The following MCEE variants were observed in gnomAD, a reference collection of about 807,000 sequenced individuals.
MCEE encodes the protein methylmalonyl-CoA epimerase, also known as methylmalonyl-CoA epimerase, mitochondrial.
Under a neutral mutation model 12.9 loss-of-function variants are expected in MCEE, and 6 were observed. That is an observed-to-expected ratio of 0.47 (90% CI 0.26 to 0.92). MCEE has a LOEUF of 0.92. Ranked by LOEUF, MCEE falls within the 40% of genes least tolerant of loss-of-function variation. The probability of loss-of-function intolerance (pLI) is 0.16; values close to 1 mark genes in which losing one functional copy is unlikely to be tolerated. For synonymous variants in MCEE, 78 were observed against 77.9 expected, an observed-to-expected ratio of 1.00 and a Z score of -0.01; for missense variants, 214 against 212.1, an observed-to-expected ratio of 1.01 and a Z score of -0.05.
chr2:71,110,050 T>C lies in MCEE; in HGVS notation c.451A>G (p.Ile151Val). The C allele has an allele frequency of 6.2e-7, 1 of 1,613,688 alleles. No homozygotes were observed. The highest frequency in any genetic ancestry group is 8.5e-7 in the Non-Finnish European group (1 of 1,179,668). Residue 151 changes from isoleucine to valine, a missense_variant, in exon 3 of 3, where the codon ATA (isoleucine) becomes GTA (valine). Coordinates refer to ENST00000244217, the MANE Select transcript of MCEE (RefSeq NM_032601.4). ...KIRSLSEEVKIGAHGKPVIFL... is the reference protein window; with the variant it reads ...KIRSLSEEVKVGAHGKPVIFL... ...ATCACTGGTTTTCCATGTGCTCCTA[T>C]TTTGACCTCTTCACTTAGACTGCGG...
chr2:71,121,130 C>A (rs1232316514), intron 2 of MCEE, among the ~76,000 whole-genome samples: 1 of 152,202 alleles, frequency 6.6e-6, no homozygotes, highest in African/African-American at 2.4e-5. Context: ...AACCCCCAAG[C>A]TTCAGCAGGG....
At chr2:71,117,013 T>C (rs1324799992) in intron 2 of MCEE, 1 of 150,744 alleles carries the variant, frequency 6.6e-6, no homozygotes, top group African/African-American at 2.5e-5. Context: ...AATGTACCCC[T>C]CTTAACTATA....
chr2:71,126,750 C>G (rs547191209), intron 1 of MCEE, among the ~76,000 whole-genome samples: 9 of 152,068 alleles, frequency 5.9e-5, no homozygotes, highest in Non-Finnish European at 1.0e-4. Context: ...TATTATATTT[C>G]TCCTTTGACT....
chr2:71,129,464 G>T (rs1295172894), intron 1 of MCEE, among the ~76,000 whole-genome samples: 1 of 147,140 alleles, frequency 6.8e-6, no homozygotes, highest in Non-Finnish European at 1.5e-5. Context: ...CAGATTAAGG[G>T]AAATACTTGC....
At chr2:71,124,703 T>TG (rs1553440324) in intron 1 of MCEE, among the ~76,000 whole-genome samples, 160 bp from the exon 2 acceptor site, 2 of 151,926 alleles carry the variant, frequency 1.3e-5, no homozygotes, top group Non-Finnish European at 2.9e-5. Context: ...TGGAAAAACT[T>TG]ACATCAGAAT....
chr2:71,127,638 G>GT (rs1190297950), intron 1 of MCEE, among the ~76,000 whole-genome samples: 3 of 146,876 alleles, frequency 2.0e-5, no homozygotes, highest in Non-Finnish European at 4.6e-5. Context: ...AAGTTTGTTT[G>GT]TTTTTTTGAA....
intron 1 of MCEE, among the ~76,000 whole-genome samples, chr2:71,125,211 A>ATATATATATATATTT: frequency 2.1e-5 from 1 of 48,594 alleles, no homozygotes; most frequent in Non-Finnish European, 4.4e-5. Context: ...ATATATATAT[A>ATATATATATATATTT]TTTTTTTTTT....
intron 2 of MCEE, among the ~76,000 whole-genome samples, chr2:71,111,110 A>C (rs1372925034): frequency 6.6e-6 from 1 of 152,232 alleles, no homozygotes; most frequent in Non-Finnish European, 1.5e-5. Flanking sequence ...TAAATGTTAC[A>C]TAAATAAGCT....
intron 2 of MCEE, among the ~76,000 whole-genome samples, chr2:71,112,589 C>T (rs1234923437): frequency 6.6e-6 from 1 of 151,910 alleles, no homozygotes; most frequent in South Asian, 2.1e-4. Context: ...GCATGTGCCA[C>T]CATGCCTGGC....
intron 2 of MCEE, among the ~76,000 whole-genome samples, chr2:71,119,531 T>C (rs772585522): frequency 6.8e-6 from 1 of 147,010 alleles, no homozygotes; most frequent in African/African-American, 2.7e-5. Flanking sequence ...ACTAGCACTA[T>C]TACTTCTGTT....
At chr2:71,119,509 C>T (rs1673059015) in intron 2 of MCEE, among the ~76,000 whole-genome samples, 1 of 149,338 alleles carries the variant, frequency 6.7e-6, no homozygotes, top group Admixed American at 6.6e-5. Context: ...CTTATATTTC[C>T]TCTTTGTTGC....
chr2:71,124,105 C>T, intron 2 of MCEE, 101 bp downstream of exon 2: 1 of 867,034 alleles, frequency 1.2e-6, no homozygotes, highest in Non-Finnish European at 1.8e-6. Context: ...AAGAACTTTA[C>T]AAAAGTTTCT....
At chr2:71,125,211 A>ATATATATATATATATATTTTTTTTTT in intron 1 of MCEE, among the ~76,000 whole-genome samples, 90 of 48,502 alleles carry the variant, frequency 1.9e-3, no homozygotes, top group Non-Finnish European at 2.9e-3. Context: ...ATATATATAT[A>ATATATATATATATATATTTTTTTTTT]TTTTTTTTTT....
At position 71,126,391 on chromosome 2, in the gene MCEE, C is replaced by T. The variant is rs147391818; in HGVS notation, c.41-1848G>A. On this transcript the variant is annotated intron_variant, in intron 1 of 2. Transcript: ENST00000244217. ...TACAGGCGCATGCCACCGCACCCGG[C>T]TAATTTTTGTATTTTTAGTAGAGAC... Among the ~76,000 whole-genome samples, 883 of 151,978 alleles carry T rather than the reference C, an allele frequency of 5.8e-3. 4 individuals are homozygous for T. The highest frequency in any genetic ancestry group is 0.019 in the African/African-American group (774 of 41,434).
intron 1 of MCEE, 56 bp from the exon 2 acceptor site, chr2:71,124,599 AT>A: frequency 7.4e-7 from 1 of 1,355,760 alleles, no homozygotes; most frequent in Non-Finnish European, 1.1e-6. Flanking sequence ...GCACTTCTAA[AT>A]TGAATTTTAA....
intron 2 of MCEE, among the ~76,000 whole-genome samples, chr2:71,114,043 T>TA (rs747396465): frequency 1.3e-5 from 2 of 151,478 alleles, no homozygotes; most frequent in Non-Finnish European, 2.9e-5. Context: ...TCAAAAGTGT[T>TA]AAGGTCATCA....
At chr2:71,125,211 A>ATATATATATATATATATTTTTTTTTTTTT in intron 1 of MCEE, among the ~76,000 whole-genome samples, 9 of 48,602 alleles carry the variant, frequency 1.9e-4, no homozygotes, top group South Asian at 8.9e-4. Flanking sequence ...ATATATATAT[A>ATATATATATATATATATTTTTTTTTTTTT]TTTTTTTTTT....
At chr2:71,130,067 G>C (rs1432555150) in intron 1 of MCEE, 113 bp downstream of exon 1, 23 of 1,095,664 alleles carry the variant, frequency 2.1e-5, no homozygotes, top group South Asian at 2.7e-5. Context: ...ACGCGCCCCC[G>C]GGGGAGGACA....
At chr2:71,112,025 G>C (rs1427903355) in intron 2 of MCEE, among the ~76,000 whole-genome samples, 2 of 152,168 alleles carry the variant, frequency 1.3e-5, no homozygotes, top group African/African-American at 4.8e-5. Context: ...TTTTCTGTCA[G>C]CAACTAAAAA....
Sources: allele counts gnomAD v4.1 joint callset (sites outside exome capture counted in the v4.1 genomes callset), GRCh38; gene constraint gnomAD v4.1.1; transcripts MANE v1.5; gene names NCBI Gene and HGNC (gene_info 2026-07-23, HGNC 2026-07-21).